Variants in STIM1 observed in about 807,000 individuals in gnomAD.
The protein encoded by STIM1 is stromal interaction molecule 1.
A neutral mutation model predicts 74.7 loss-of-function variants in STIM1; 25 were observed. The observed-to-expected ratio is 0.33, with a 90% CI of 0.24 to 0.47. The LOEUF (loss-of-function observed/expected upper bound fraction) is 0.47. Among genes scored for constraint, STIM1 ranks in the 20% least tolerant of loss-of-function variants. STIM1 has a pLI of 1.00. For missense variants in STIM1, 728 were observed against 920.8 expected (o/e 0.79, Z 2.71); for synonymous variants, 328 against 348.8 (o/e 0.94, Z 0.66).
chr11:4,010,370 A>G (rs947942367), intron 2 of STIM1, among the ~76,000 whole-genome samples: 3 of 151,752 alleles, frequency 2.0e-5, no homozygotes, highest in Non-Finnish European at 4.4e-5. Flanking sequence ...AGGGTTTCAC[A>G]GTGTTGGCCT....
At chr11:3,967,718 TC>T (rs1261205937) in intron 2 of STIM1, 36 bp downstream of exon 2, 1 of 1,613,614 alleles carries the variant, frequency 6.2e-7, no homozygotes, top group Non-Finnish European at 8.5e-7. Context: ...TCTCTTTTCT[TC>T]CTGTGTGAAT....
intron 1 of STIM1, among the ~76,000 whole-genome samples, chr11:3,954,489 T>C (rs1330529905): frequency 6.6e-6 from 1 of 152,180 alleles, no homozygotes; most frequent in Non-Finnish European, 1.5e-5. Flanking sequence ...GTGGAGAAGA[T>C]AGACATTGAG....
intron 2 of STIM1, among the ~76,000 whole-genome samples, chr11:4,020,857 C>G (rs1234778386): frequency 6.6e-6 from 1 of 152,094 alleles, no homozygotes; most frequent in Non-Finnish European, 1.5e-5. Context: ...CCCACTTTCG[C>G]TTCCCAAAGT....
intron 1 of STIM1, among the ~76,000 whole-genome samples, chr11:3,960,561 G>C (rs769984837): frequency 1.1e-4 from 17 of 152,204 alleles, no homozygotes; most frequent in Non-Finnish European, 1.9e-4. Flanking sequence ...CAAAGTGTAA[G>C]ATAGACCAAT....
chr11:3,972,350 C>CGCCCTGA (rs2093404216), intron 2 of STIM1, among the ~76,000 whole-genome samples: 1 of 152,220 alleles, frequency 6.6e-6, no homozygotes, highest in Non-Finnish European at 1.5e-5. Context: ...AGCATGTCTT[C>CGCCCTGA]AGGGCCTCTT....
intron 2 of STIM1, among the ~76,000 whole-genome samples, chr11:3,982,516 T>G (rs16929529): frequency 7.9e-5 from 12 of 152,192 alleles, no homozygotes; most frequent in Non-Finnish European, 1.6e-4. Flanking sequence ...TATGATGTAC[T>G]AGGCTTGTGC....
Position 3,875,369 on chromosome 11 carries a change from G to A in STIM1, c.139+18960G>A, listed in dbSNP as rs116159818. 2.5e-3 allele frequency among the ~76,000 whole-genome samples: 379 copies of A among 152,198 alleles called. 4 individuals are homozygous for A. Among genetic ancestry groups the A allele is most frequent in the African/African-American group, 8.7e-3 (363 of 41,512 alleles). The stretch of plus-strand genomic sequence containing the variant: ...GAAAAACTATCTCAGACCTTTTTCT[G>A]TGCATATAGTGTATACTTCGTGTTT... On this transcript the variant is annotated intron_variant, in intron 1 of 12. Coordinates refer to ENST00000526596, the MANE Select transcript of STIM1 (RefSeq NM_001382567.1).
chr11:3,947,819 A>G (rs1246575740), intron 1 of STIM1: 1 of 152,126 alleles, frequency 6.6e-6, no homozygotes, highest in African/African-American at 2.4e-5. Context: ...GACCTTGGGG[A>G]AGTCACTTAT....
chr11:3,862,755 C>T (rs1374991621), intron 1 of STIM1, among the ~76,000 whole-genome samples: 1 of 151,582 alleles, frequency 6.6e-6, no homozygotes, highest in African/African-American at 2.4e-5. Flanking sequence ...CAAGTAGTCC[C>T]CTCTTATCTG....
chr11:4,039,631 T>C (rs1374526718), intron 3 of STIM1, among the ~76,000 whole-genome samples: 1 of 151,888 alleles, frequency 6.6e-6, no homozygotes, highest in Non-Finnish European at 1.5e-5. Context: ...GTCAGTGATT[T>C]TTTTTTCATG....
chr11:3,967,701 C>T lies in STIM1; in HGVS notation c.270+19C>T, dbSNP rs757635538. 3.7e-6 allele frequency: 6 copies of T among 1,614,004 alleles called. No homozygotes were observed. The highest frequency in any genetic ancestry group is 5.1e-6 in the Non-Finnish European group (6 of 1,179,896). ...TGATGAGGTGAGCTCTCCCATCCTG[C>T]TATGTCTCTCTTTTCTTCCTGTGTG... is the stretch of plus-strand genomic sequence containing the variant. On this transcript the variant is annotated intron_variant, in intron 2 of 12. Transcript: ENST00000526596.
At chr11:4,067,809 A>G (rs1233384538) in intron 5 of STIM1, among the ~76,000 whole-genome samples, 3 of 152,240 alleles carry the variant, frequency 2.0e-5, no homozygotes, top group Non-Finnish European at 4.4e-5. Flanking sequence ...AGATATTATC[A>G]TACTTGAAGC....
In STIM1 at chr11:4,091,318, CAT is replaced by C; in HGVS notation, c.1672_1673del (p.Met558GlufsTer2). ...ATTCCGATTCGGAGTCCTCCCTCCA[CAT>C]GAGTGACCGCCAGCGTGTGGCCCCC... Reference protein sequence around the residue: ...THSDSESSLHMSDRQRVAPKP... With the variant: ...THSDSESSLHXSDRQRVAPKP... On this transcript the variant is annotated frameshift_variant, in exon 13 of 13. Coordinates refer to ENST00000526596, the MANE Select transcript of STIM1 (RefSeq NM_001382567.1). LOFTEE classifies it high-confidence loss of function. 6.2e-7 allele frequency: 1 copy of C among 1,614,222 alleles called. No individual in the cohort carries two copies. The highest frequency in any genetic ancestry group is 1.1e-5 in the South Asian group (1 of 91,088).
intron 9 of STIM1, 119 bp downstream of exon 9, chr11:4,083,101 C>A (rs2094473835): frequency 1.7e-6 from 2 of 1,164,684 alleles, no homozygotes; most frequent in Admixed American, 1.8e-5. Flanking sequence ...CTCTGGTCTC[C>A]TGCCTCAGCC....
At chr11:3,946,713 C>G (rs1358056717) in intron 1 of STIM1, among the ~76,000 whole-genome samples, 1 of 152,100 alleles carries the variant, frequency 6.6e-6, no homozygotes, top group Admixed American at 6.6e-5. Context: ...ATTATGTTTC[C>G]TGACCTGCTA....
rs553366772 is a variant in STIM1, at chr11:3,992,101, T to G, written c.270+24419T>G. 1.2e-3 allele frequency among the ~76,000 whole-genome samples: 162 copies of G among 139,160 alleles called. 1 individual carries two copies. Among genetic ancestry groups the G allele is most frequent in the African/African-American group, 3.9e-3 (152 of 39,326 alleles). The allele number at this position is 139,160 out of a possible 152,430, so 91.3% of individuals were successfully genotyped here. A position where few individuals can be genotyped will look rare whatever the true frequency, so the allele number is the denominator to read the frequency against. On this transcript the variant is annotated intron_variant, in intron 2 of 12. Transcript: ENST00000526596. Reference sequence around the variant, plus strand: ...CATCTGTTTTTTTGTTTTTTTTTTTTTTTTTTTTTTAGTTTTTAATAATAA... The same window carrying G: ...CATCTGTTTTTTTGTTTTTTTTTTTGTTTTTTTTTTAGTTTTTAATAATAA...
In STIM1 at chr11:4,021,756, C is replaced by T. The variant is rs181612524; in HGVS notation, c.271-2117C>T. ...ATTTAGATAGGGATTACATTGAATC[C>T]GTAGATTGCTTTGGGTAGTATGAAT... On this transcript the variant is annotated intron_variant, in intron 2 of 12. Coordinates refer to ENST00000526596, the MANE Select transcript of STIM1 (RefSeq NM_001382567.1). Among the ~76,000 whole-genome samples, 294 of 152,034 alleles carry T rather than the reference C, an allele frequency of 1.9e-3. 4 individuals are homozygous for T. Among genetic ancestry groups the T allele is most frequent in the African/African-American group, 6.8e-3 (282 of 41,468 alleles).
At chr11:4,072,040 ACC>A (rs2094407050) in intron 6 of STIM1, among the ~76,000 whole-genome samples, 1 of 152,142 alleles carries the variant, frequency 6.6e-6, no homozygotes, top group African/African-American at 2.4e-5. Context: ...CAGTCCCCAT[ACC>A]TCATTTGTTT....
intron 11 of STIM1, among the ~76,000 whole-genome samples, chr11:4,085,544 A>T (rs1209318858): frequency 6.6e-6 from 1 of 152,224 alleles, no homozygotes; most frequent in East Asian, 1.9e-4. Context: ...TTGGAAAGCG[A>T]AAAAGAGTGA....
Sources: gnomAD v4.1 joint callset for allele counts (sites outside exome capture counted in the v4.1 genomes callset) on GRCh38, gnomAD v4.1.1 for gene constraint, MANE v1.5 for transcripts, NCBI Gene and HGNC (gene_info 2026-07-23, HGNC 2026-07-21) for gene names.